The following LURAP1L variants were observed in gnomAD, a reference collection of about 807,000 sequenced individuals.
LURAP1L encodes the protein leucine rich adaptor protein 1-like.
A neutral mutation model predicts 13.8 loss-of-function variants in LURAP1L; 12 were observed. That is an observed-to-expected ratio of 0.87 (90% CI 0.56 to 1.41). The LOEUF is 1.41. LURAP1L is among the 40% of genes most tolerant of loss of function. LURAP1L has a pLI of 0.00. For synonymous variants in LURAP1L, 139 were observed against 119.2 expected (o/e 1.17, Z -1.08); for missense variants, 375 against 292.9 (o/e 1.28, Z -2.04).
chr9:12,792,909 T>TAG (rs1376519126), intron 1 of LURAP1L, among the ~76,000 whole-genome samples: 2 of 152,084 alleles, frequency 1.3e-5, no homozygotes, highest in Non-Finnish European at 2.9e-5. Context: ...AATTATTCCT[T>TAG]ATTTGGAAGT....
At chr9:12,821,144 G>A (rs1161526935) in intron 1 of LURAP1L, among the ~76,000 whole-genome samples, 1 of 152,140 alleles carries the variant, frequency 6.6e-6, no homozygotes, top group Non-Finnish European at 1.5e-5. Flanking sequence ...TTAGGGTCAG[G>A]GATGCAGCAG....
rs1323563207 is a variant in LURAP1L, at chr9:12,822,592, T to C, written c.*832T>C. ...TAGGATGTATAAATACTTAGATGCA[T>C]ACAAGCCGATGGATAGAAAGACAGA... On this transcript the variant is annotated 3_prime_UTR_variant, in exon 2 of 2. Coordinates refer to ENST00000319264, the MANE Select transcript of LURAP1L (RefSeq NM_203403.2). 4.6e-5 allele frequency among the ~76,000 whole-genome samples: 7 copies of C among 152,168 alleles called. No individual in the cohort carries two copies. Among genetic ancestry groups the C allele is most frequent in the Non-Finnish European group, 5.9e-5 (4 of 68,018 alleles).
At chr9:12,788,208 A>AAAGCT (rs1819390101) in intron 1 of LURAP1L, among the ~76,000 whole-genome samples, 2 of 151,542 alleles carry the variant, frequency 1.3e-5, no homozygotes, top group Non-Finnish European at 2.9e-5. Context: ...AAAGAAAAGA[A>AAAGCT]AAGCTCAATG....
intron 1 of LURAP1L, among the ~76,000 whole-genome samples, chr9:12,793,630 T>A (rs1240037007): frequency 1.3e-5 from 2 of 152,068 alleles, no homozygotes; most frequent in Non-Finnish European, 2.9e-5. Context: ...TGAAATCTTA[T>A]GGGGATTCAT....
chr9:12,817,066 C>T (rs3802478), intron 1 of LURAP1L, among the ~76,000 whole-genome samples: 14,185 of 152,184 alleles, frequency 0.093, 745 homozygotes, highest in South Asian at 0.19. Context: ...CCTTGAAGTC[C>T]ACTTCCTTTT....
chr9:12,784,660 A>G (rs1490631762), intron 1 of LURAP1L, among the ~76,000 whole-genome samples: 2 of 152,146 alleles, frequency 1.3e-5, no homozygotes, highest in Admixed American at 1.3e-4. Flanking sequence ...ACAGTACTTG[A>G]TGTCACCCGA....
At position 12,775,383 on chromosome 9, in the gene LURAP1L, CTTCCCCCTCTTTA is replaced by C. The variant is rs1378560726; in HGVS notation, c.-322_-310del. 3.5e-6 allele frequency: 1 copy of C among 284,954 alleles called. No individual in the cohort carries two copies. The highest frequency in any genetic ancestry group is 6.4e-6 in the Non-Finnish European group (1 of 155,996). 17.7% of individuals were successfully genotyped at this position (284,954 alleles called of 1,614,324 possible). On this transcript the variant is annotated 5_prime_UTR_variant, in exon 1 of 2. Coordinates refer to ENST00000319264, the MANE Select transcript of LURAP1L (RefSeq NM_203403.2). Reference sequence around the variant, plus strand: ...AATTTCCCTCTCTTTTCTTTCACTACTTCCCCCTCTTTATTCCCCCTCTGTCTGCAATATCAGT... The same window carrying C: ...AATTTCCCTCTCTTTTCTTTCACTACTTCCCCCTCTGTCTGCAATATCAGT...
intron 1 of LURAP1L, among the ~76,000 whole-genome samples, chr9:12,821,158 T>G (rs1184172525): frequency 6.6e-6 from 1 of 152,046 alleles, no homozygotes. Context: ...GCAGCAGGGG[T>G]TTTATTGTGC....
chr9:12,781,509 G>C lies in LURAP1L; in HGVS notation c.312+5482G>C, dbSNP rs143328756. The stretch of plus-strand genomic sequence containing the variant: ...CCACGAATAAGTGAGACCACGCCAA[G>C]TTTGTCTTTCTGTGCCTGACTTATT... On this transcript the variant is annotated intron_variant, in intron 1 of 1. Transcript: ENST00000319264. 3.3e-5 allele frequency among the ~76,000 whole-genome samples: 5 copies of C among 152,222 alleles called. No individual in the cohort carries two copies. In the East Asian group the frequency reaches 9.7e-4, roughly 29 times the overall value.
intron 1 of LURAP1L, among the ~76,000 whole-genome samples, chr9:12,819,317 G>A (rs1437699265): frequency 6.6e-6 from 1 of 152,030 alleles, no homozygotes; most frequent in South Asian, 2.1e-4. Context: ...TGTATTCATA[G>A]ATATATTTTT....
At chr9:12,814,070 TA>T (rs1441131926) in intron 1 of LURAP1L, among the ~76,000 whole-genome samples, 3 of 152,218 alleles carry the variant, frequency 2.0e-5, no homozygotes, top group Admixed American at 2.0e-4. Flanking sequence ...CAATTTGTAT[TA>T]TATTTTGTAG....
chr9:12,816,900 A>G (rs1819811667), intron 1 of LURAP1L, among the ~76,000 whole-genome samples: 1 of 151,952 alleles, frequency 6.6e-6, no homozygotes, highest in Non-Finnish European at 1.5e-5. Context: ...ATCAGTCTAA[A>G]CCTTATTTTT....
chr9:12,804,858 G>C (rs747302554), intron 1 of LURAP1L, among the ~76,000 whole-genome samples: 4 of 151,836 alleles, frequency 2.6e-5, no homozygotes, highest in Non-Finnish European at 4.4e-5. Context: ...TTTCATACTT[G>C]TCAGGTTGGG....
intron 1 of LURAP1L, among the ~76,000 whole-genome samples, chr9:12,813,842 C>A (rs1007998728): frequency 6.6e-6 from 1 of 152,066 alleles, no homozygotes; most frequent in Non-Finnish European, 1.5e-5. Context: ...TCAGGTGTAA[C>A]AATAACAATT....
intron 1 of LURAP1L, among the ~76,000 whole-genome samples, chr9:12,806,716 CTTTT>C (rs1159958939): frequency 9.9e-5 from 15 of 151,822 alleles, no homozygotes; most frequent in South Asian, 2.1e-4. Context: ...TACTAATTTA[CTTTT>C]TTATTTTTTC....
At chr9:12,785,819 C>G (rs1237775291) in intron 1 of LURAP1L, among the ~76,000 whole-genome samples, 3 of 152,108 alleles carry the variant, frequency 2.0e-5, no homozygotes, top group Admixed American at 6.5e-5. Context: ...GATGTTAAAA[C>G]CGGGTACTAT....
At chr9:12,794,955 A>G (rs1219509702) in intron 1 of LURAP1L, among the ~76,000 whole-genome samples, 1 of 152,020 alleles carries the variant, frequency 6.6e-6, no homozygotes, top group Admixed American at 6.6e-5. Context: ...TGAGGTTGCT[A>G]CTAAAAGATT....
At chr9:12,805,404 T>C (rs935608013) in intron 1 of LURAP1L, among the ~76,000 whole-genome samples, 2 of 152,192 alleles carry the variant, frequency 1.3e-5, no homozygotes, top group African/African-American at 2.4e-5. Context: ...CATATATGAA[T>C]ACTAAATATG....
intron 1 of LURAP1L, among the ~76,000 whole-genome samples, chr9:12,808,050 T>C (rs543816464): frequency 7.2e-5 from 11 of 152,128 alleles, no homozygotes. Flanking sequence ...CATTCACAAA[T>C]AAGCTATAAT....
Sources: allele counts gnomAD v4.1 joint callset (sites outside exome capture counted in the v4.1 genomes callset), GRCh38; gene constraint gnomAD v4.1.1; transcripts MANE v1.5; gene names NCBI Gene and HGNC (gene_info 2026-07-23, HGNC 2026-07-21).